CADM2: variants seen among roughly 807,000 people sequenced by gnomAD.
The protein encoded by CADM2 is immunoglobulin superfamily member 4D.
A neutral mutation model predicts 49.8 loss-of-function variants in CADM2; 12 were observed. The ratio of observed to expected loss-of-function variants is 0.24; its 90% CI spans 0.15 to 0.39. The LOEUF (loss-of-function observed/expected upper bound fraction) is 0.39. Ranked by LOEUF, CADM2 falls within the 10% of genes least tolerant of loss-of-function variation. The probability of loss-of-function intolerance (pLI) is 1.00; values close to 1 mark genes in which losing one functional copy is unlikely to be tolerated. For missense variants in CADM2, 378 were observed against 492.3 expected (o/e 0.77, Z 2.20); for synonymous variants, 214 against 175.4 (o/e 1.22, Z -1.74).
At chr3:85,539,955 A>G (rs1280920832) in intron 1 of CADM2, among the ~76,000 whole-genome samples, 1 of 152,160 alleles carries the variant, frequency 6.6e-6, no homozygotes, top group South Asian at 2.1e-4. Context: ...GAAAAGAAAT[A>G]TGACTGGGGA....
chr3:85,206,452 C>G (rs977029400), intron 1 of CADM2, among the ~76,000 whole-genome samples: 1 of 151,770 alleles, frequency 6.6e-6, no homozygotes, highest in African/African-American at 2.4e-5. Context: ...GGACTACAGG[C>G]GCCCGTCACC....
At chr3:85,291,281 G>T (rs1190987024) in intron 1 of CADM2, among the ~76,000 whole-genome samples, 27 of 151,862 alleles carry the variant, frequency 1.8e-4, no homozygotes, top group Admixed American at 1.7e-3. Flanking sequence ...AGAAATATGG[G>T]ACTATGAGAA....
intron 1 of CADM2, among the ~76,000 whole-genome samples, chr3:85,164,200 G>A (rs2040408376): frequency 1.3e-5 from 2 of 151,932 alleles, no homozygotes; most frequent in African/African-American, 4.8e-5. Context: ...GTAATATTGA[G>A]ATGACTATGT....
At chr3:85,671,401 T>G (rs2065730812) in intron 1 of CADM2, among the ~76,000 whole-genome samples, 1 of 152,182 alleles carries the variant, frequency 6.6e-6, no homozygotes, top group South Asian at 2.1e-4. Context: ...ACAAACCTGT[T>G]TTCCAACAGT....
intron 1 of CADM2, among the ~76,000 whole-genome samples, chr3:85,549,313 G>A (rs537723254): frequency 4.6e-5 from 7 of 152,154 alleles, no homozygotes; most frequent in African/African-American, 1.4e-4. Context: ...TAAACAACAG[G>A]CAAATGCAAC....
chr3:85,091,155 G>T (rs1416366610), intron 1 of CADM2, among the ~76,000 whole-genome samples: 1 of 152,152 alleles, frequency 6.6e-6, no homozygotes, highest in African/African-American at 2.4e-5. Flanking sequence ...TGGTTGAGAG[G>T]TAGCATTTGT....
intron 1 of CADM2, among the ~76,000 whole-genome samples, chr3:85,463,806 C>A (rs2038364000): frequency 6.6e-6 from 1 of 152,070 alleles, no homozygotes; most frequent in Non-Finnish European, 1.5e-5. Context: ...TCTCTCAAGG[C>A]TCTATGCTAC....
At chr3:85,435,812 CT>C (rs2036901009) in intron 1 of CADM2, among the ~76,000 whole-genome samples, 1 of 152,072 alleles carries the variant, frequency 6.6e-6, no homozygotes, top group Admixed American at 6.6e-5. Context: ...GCATAAATGT[CT>C]TCTTTTGAGA....
chr3:85,601,030 G>A (rs2063375782), intron 1 of CADM2, among the ~76,000 whole-genome samples: 1 of 148,656 alleles, frequency 6.7e-6, no homozygotes, highest in Non-Finnish European at 1.5e-5. Context: ...GCCTCCATAT[G>A]TATATATTCA....
intron 1 of CADM2, among the ~76,000 whole-genome samples, chr3:85,310,464 A>G (rs2044316080): frequency 6.6e-6 from 1 of 152,144 alleles, no homozygotes; most frequent in Non-Finnish European, 1.5e-5. Context: ...TTGGGCACCT[A>G]TTGTCATACT....
chr3:85,290,338 G>T (rs2043753518), intron 1 of CADM2, among the ~76,000 whole-genome samples: 1 of 152,164 alleles, frequency 6.6e-6, no homozygotes, highest in Non-Finnish European at 1.5e-5. Flanking sequence ...AGATCAAACT[G>T]CAAGGCCGCA....
intron 6 of CADM2, among the ~76,000 whole-genome samples, chr3:85,931,128 T>C (rs1720532991): frequency 6.6e-6 from 1 of 152,028 alleles, no homozygotes; most frequent in African/African-American, 2.4e-5. Flanking sequence ...ATCCCAGCAC[T>C]TTTGGAGGCC....
chr3:85,507,432 G>T (rs1040207281), intron 1 of CADM2, among the ~76,000 whole-genome samples: 1 of 151,526 alleles, frequency 6.6e-6, no homozygotes, highest in East Asian at 1.9e-4. Context: ...CAAGTGATCC[G>T]CCTGCCTCAG....
chr3:85,937,597 A>G (rs1040412335), intron 7 of CADM2, among the ~76,000 whole-genome samples: 1 of 151,908 alleles, frequency 6.6e-6, no homozygotes, highest in Non-Finnish European at 1.5e-5. Flanking sequence ...ATTCTAGCTA[A>G]AGTTACTTTT....
At chr3:85,146,378 A>G (rs1231645279) in intron 1 of CADM2, among the ~76,000 whole-genome samples, 1 of 152,062 alleles carries the variant, frequency 6.6e-6, no homozygotes, top group Non-Finnish European at 1.5e-5. Flanking sequence ...TAGATTTTTA[A>G]TGAGGTCTCT....
At chr3:85,265,847 GCTAAA>G (rs1203353377) in intron 1 of CADM2, among the ~76,000 whole-genome samples, 1 of 151,828 alleles carries the variant, frequency 6.6e-6, no homozygotes, top group Non-Finnish European at 1.5e-5. Flanking sequence ...TTTCAGTTTT[GCTAAA>G]CTACTTTCTT....
At chr3:85,728,605 G>A (rs1014697848) in intron 2 of CADM2, among the ~76,000 whole-genome samples, 25 of 152,060 alleles carry the variant, frequency 1.6e-4, no homozygotes, top group Non-Finnish European at 3.4e-4. Flanking sequence ...GGTTGCTTCA[G>A]AATAGTTCAT....
chr3:85,769,848 T>G (rs1468189381), intron 2 of CADM2, among the ~76,000 whole-genome samples: 1 of 149,108 alleles, frequency 6.7e-6, no homozygotes, highest in Non-Finnish European at 1.5e-5. Context: ...TGTCAAGATA[T>G]CAATGAGAAA....
chr3:85,721,607 G>A (rs2107768350), intron 1 of CADM2, among the ~76,000 whole-genome samples: 1 of 152,288 alleles, frequency 6.6e-6, no homozygotes, highest in African/African-American at 2.4e-5. Flanking sequence ...ATGGGCACCA[G>A]CTCTCCGTGA....
Sources: allele counts gnomAD v4.1 joint callset (sites outside exome capture counted in the v4.1 genomes callset), GRCh38; gene constraint gnomAD v4.1.1; transcripts MANE v1.5; gene names NCBI Gene and HGNC (gene_info 2026-07-23, HGNC 2026-07-21).